The following STIM1 variants were observed in gnomAD, a reference collection of about 807,000 sequenced individuals.
STIM1 encodes the protein stromal interaction molecule 1.
Under a neutral mutation model 74.7 loss-of-function variants are expected in STIM1, and 25 were observed. The ratio of observed to expected loss-of-function variants is 0.33; its 90% CI spans 0.24 to 0.47. The LOEUF (loss-of-function observed/expected upper bound fraction) is 0.47, where lower values mean the gene tolerates loss of function less well. STIM1 is among the 20% of genes least tolerant of loss of function. The pLI is 1.00. For missense variants in STIM1, 728 were observed against 920.8 expected (o/e 0.79, Z 2.71); for synonymous variants, 328 against 348.8 (o/e 0.94, Z 0.66).
intron 7 of STIM1, among the ~76,000 whole-genome samples, 196 bp from the exon 8 acceptor site, chr11:4,081,988 C>T (rs1022721314): frequency 6.6e-6 from 1 of 152,234 alleles, no homozygotes; most frequent in Non-Finnish European, 1.5e-5. Context: ...CTGGTTGACA[C>T]TGTTGACCTT....
In STIM1 at chr11:4,083,629, T is replaced by C. The variant is rs150127841; in HGVS notation, c.1474+131T>C. 1.3e-4 allele frequency: 110 copies of C among 857,136 alleles called. No individual in the cohort carries two copies. The African/African-American group carries it at 1.8e-3, about 14-fold the overall frequency. 53.1% of individuals were successfully genotyped at this position (857,136 alleles called of 1,614,324 possible). ...AAGATAGTTCAACTCATGACCTTGG[T>C]CAATAAAGCACAATTTACTCAGGTT... On this transcript the variant is annotated intron_variant, in intron 10 of 12. Transcript: ENST00000526596.
At chr11:4,070,325 A>G in intron 6 of STIM1, 122 bp downstream of exon 6, 1 of 1,131,708 alleles carries the variant, frequency 8.8e-7, no homozygotes, top group Non-Finnish European at 1.3e-6. Context: ...AGGCTGCATC[A>G]TCCTTCCAAA....
chr11:3,991,624 G>C (rs1021888637), intron 2 of STIM1, among the ~76,000 whole-genome samples: 1 of 151,852 alleles, frequency 6.6e-6, no homozygotes, highest in Admixed American at 6.6e-5. Context: ...GGATCGAATG[G>C]TAGTTCTATT....
intron 1 of STIM1, among the ~76,000 whole-genome samples, chr11:3,941,012 A>C (rs1050911684): frequency 8.5e-5 from 13 of 152,162 alleles, no homozygotes; most frequent in Non-Finnish European, 1.5e-4. Context: ...TCTGTGCCTC[A>C]GTTTCTTGAG....
intron 1 of STIM1, among the ~76,000 whole-genome samples, chr11:3,937,379 C>A (rs1244852939): frequency 6.6e-6 from 1 of 151,930 alleles, no homozygotes; most frequent in East Asian, 1.9e-4. Context: ...TGGGGCTGTT[C>A]TTCTTCCCTC....
At chr11:3,944,318 A>G (rs1040294853) in intron 1 of STIM1, among the ~76,000 whole-genome samples, 1 of 152,200 alleles carries the variant, frequency 6.6e-6, no homozygotes, top group Non-Finnish European at 1.5e-5. Flanking sequence ...ATGGAGGGGA[A>G]TGTTTCCCTG....
At chr11:4,074,747 T>C in intron 7 of STIM1, 68 bp downstream of exon 7, 1 of 1,507,956 alleles carries the variant, frequency 6.6e-7, no homozygotes, top group Non-Finnish European at 9.0e-7. Flanking sequence ...AGGGTCTGGC[T>C]AGAAAGTTAC....
chr11:4,039,192 C>T (rs1397680919), intron 3 of STIM1, among the ~76,000 whole-genome samples: 2 of 152,054 alleles, frequency 1.3e-5, no homozygotes, highest in African/African-American at 4.8e-5. Context: ...GCAATTCCAG[C>T]CCTGTGAGAG....
At chr11:4,030,218 A>G (rs1043022392) in intron 3 of STIM1, among the ~76,000 whole-genome samples, 4 of 151,796 alleles carry the variant, frequency 2.6e-5, no homozygotes, top group African/African-American at 9.7e-5. Context: ...AATCCCAGCT[A>G]CTCGGGAGGC....
At chr11:3,922,536 C>G (rs1364333244) in intron 1 of STIM1, 2 of 152,172 alleles carry the variant, frequency 1.3e-5, no homozygotes, top group Admixed American at 6.6e-5. Context: ...TCCATGTGTC[C>G]TTATCCCTTT....
rs1590703419 is a variant in STIM1, at chr11:4,091,485, C to T, written c.1838C>T (p.Ala613Val). ...GACAGCCCTGCCCTGGCCAAGAAGGCATTACTGGCGCTGAACCATGGGCTG... is the reference window on the plus strand; with the variant it reads ...GACAGCCCTGCCCTGGCCAAGAAGGTATTACTGGCGCTGAACCATGGGCTG... ...LPDSPALAKK[A>V]LLALNHGLDK... Residue 613 changes from alanine to valine, a missense_variant, in exon 13 of 13, where the codon GCA becomes GTA. Around this residue, in one of 5 missense-constraint regions of STIM1, gnomAD observed 352 missense variants for 370.1 expected, o/e 0.95. Coordinates refer to ENST00000526596, the MANE Select transcript of STIM1 (RefSeq NM_001382567.1). 2 of 1,614,176 alleles carry T rather than the reference C, an allele frequency of 1.2e-6. No individual in the cohort carries two copies. Among genetic ancestry groups the T allele is most frequent in the Non-Finnish European group, 1.7e-6 (2 of 1,180,024 alleles).
chr11:3,858,636 T>A (rs1455237905), intron 1 of STIM1, among the ~76,000 whole-genome samples: 1 of 152,180 alleles, frequency 6.6e-6, no homozygotes, highest in Non-Finnish European at 1.5e-5. Context: ...GGAGAGAAAC[T>A]TTCTATGCAA....
At position 3,866,099 on chromosome 11, in the gene STIM1, C is replaced by T. The variant is rs937183096; in HGVS notation, c.139+9690C>T. 2.0e-5 allele frequency among the ~76,000 whole-genome samples: 3 copies of T among 152,152 alleles called. No homozygotes were observed. In the South Asian group the frequency reaches 6.2e-4, roughly 32 times the overall value. On this transcript the variant is annotated intron_variant, in intron 1 of 12. Transcript: ENST00000526596. The stretch of plus-strand genomic sequence containing the variant: ...CTTTCCTGACACAGAGTTCCAGCCC[C>T]AGACCACTTTACTCACTTCATCTCC...
intron 12 of STIM1, 186 bp downstream of exon 12, chr11:4,086,729 C>T: frequency 2.6e-6 from 4 of 1,537,870 alleles, no homozygotes; most frequent in Middle Eastern, 1.7e-4. Context: ...ACCACCACCA[C>T]CTTCACCACC....
At chr11:3,861,283 G>C (rs2090593742) in intron 1 of STIM1, among the ~76,000 whole-genome samples, 3 of 151,508 alleles carry the variant, frequency 2.0e-5, no homozygotes, top group South Asian at 4.2e-4. Flanking sequence ...GCCCAGGCTG[G>C]AGTGCAGTGG....
At chr11:4,037,090 C>G (rs947433578) in intron 3 of STIM1, among the ~76,000 whole-genome samples, 3 of 150,442 alleles carry the variant, frequency 2.0e-5, no homozygotes, top group South Asian at 2.1e-4. Flanking sequence ...GAGTCTCGCT[C>G]TGTTGCCCAG....
intron 7 of STIM1, among the ~76,000 whole-genome samples, chr11:4,080,460 CCAAA>C (rs2133212576): frequency 6.9e-6 from 1 of 145,152 alleles, no homozygotes; most frequent in Non-Finnish European, 1.5e-5. Context: ...CTCTCTTTAA[CCAAA>C]CAGTTTTTTT....
At chr11:3,903,937 G>A (rs1207124310) in intron 1 of STIM1, among the ~76,000 whole-genome samples, 5 of 152,124 alleles carry the variant, frequency 3.3e-5, no homozygotes, top group Admixed American at 6.5e-5. Context: ...GGTGGCTCAC[G>A]CCTGTAATCC....
intron 1 of STIM1, among the ~76,000 whole-genome samples, chr11:3,862,839 T>C (rs1268841109): frequency 6.6e-6 from 1 of 151,888 alleles, no homozygotes; most frequent in East Asian, 1.9e-4. Context: ...GATACATACT[T>C]ATACATATAT....
Sources: gnomAD v4.1 joint callset for allele counts (sites outside exome capture counted in the v4.1 genomes callset) on GRCh38, gnomAD v4.1.1 for gene constraint, gnomAD v4.1.1 regional missense constraint, MANE v1.5 for transcripts, NCBI Gene and HGNC (gene_info 2026-07-23, HGNC 2026-07-21) for gene names.